FLVCR1: variants seen among roughly 807,000 people sequenced by gnomAD.
The protein encoded by FLVCR1 is choline/ethanolamine transporter FLVCR1.
A neutral mutation model predicts 53.6 loss-of-function variants in FLVCR1; 34 were observed. The ratio of observed to expected loss-of-function variants is 0.63; its 90% confidence interval spans 0.48 to 0.84. The LOEUF is 0.84. Among genes scored for constraint, FLVCR1 ranks in the 40% least tolerant of loss-of-function variants. The pLI, the probability that FLVCR1 is intolerant of heterozygous loss-of-function variation, is 0.00. For missense variants in FLVCR1, 677 were observed against 696.7 expected, an observed-to-expected ratio of 0.97 and a Z score of 0.32; for synonymous variants, 300 against 286.3, an observed-to-expected ratio of 1.05 and a Z score of -0.48.
intron 4 of FLVCR1, 23 bp from the exon 5 acceptor site, chr1:212,885,270 C>T (rs1434310404): frequency 1.3e-6 from 2 of 1,548,058 alleles, no homozygotes; most frequent in East Asian, 2.2e-5. Context: ...ATTTGATCAA[C>T]TTCTTACGCA....
chr1:212,865,965 T>TTGGCA (rs1664405784), intron 2 of FLVCR1, among the ~76,000 whole-genome samples: 1 of 39,172 alleles, frequency 2.6e-5, no homozygotes, highest in Non-Finnish European at 7.0e-5. Flanking sequence ...GGCATTTGGC[T>TTGGCA]AATTTTTGGG....
At chr1:212,877,707 G>C (rs1402314363) in intron 3 of FLVCR1, among the ~76,000 whole-genome samples, 1 of 55,432 alleles carries the variant, frequency 1.8e-5, no homozygotes, top group Non-Finnish European at 4.8e-5. Context: ...TTTTTTTGCT[G>C]TGCAGAAGCT....
At chr1:212,883,230 CA>C in intron 3 of FLVCR1, 140 bp from the exon 4 acceptor site, 1 of 631,866 alleles carries the variant, frequency 1.6e-6, no homozygotes, top group South Asian at 1.9e-5. Flanking sequence ...TTTCCTTTAT[CA>C]ACTGTGTTAA....
intron 2 of FLVCR1, among the ~76,000 whole-genome samples, chr1:212,865,776 C>T (rs9787376): frequency 0.46 from 69,827 of 150,750 alleles, 17,317 homozygotes; most frequent in Non-Finnish European, 0.55. Context: ...GCCACCAGGC[C>T]CGGCCAGCAA....
chr1:212,864,872 A>G (rs1021302304), intron 2 of FLVCR1, among the ~76,000 whole-genome samples: 2 of 152,232 alleles, frequency 1.3e-5, no homozygotes, highest in Non-Finnish European at 2.9e-5. Flanking sequence ...CTGCCTTGGT[A>G]GATGAACTGC....
In FLVCR1 at chr1:212,859,025, G is replaced by A. The variant is rs1434919793; in HGVS notation, c.573G>A (p.Lys191=). The A allele has an allele frequency of 6.2e-7, 1 of 1,612,162 alleles. No homozygotes were observed. Among genetic ancestry groups the A allele is most frequent in the Non-Finnish European group, 8.5e-7 (1 of 1,178,626 alleles). Residue 191 remains lysine (K), a synonymous_variant, in exon 1 of 10, where the codon AAG becomes AAA. Transcript: ENST00000366971. ...SGLNCLGAWI[K]CGSVQQHLFW... ...TCAACTGCCTGGGTGCCTGGATCAA[G>A]TGCGGCAGTGTGCAGCAGCATCTCT...
At position 212,859,041 on chromosome 1, in the gene FLVCR1, C is replaced by T. The variant is rs751566382; in HGVS notation, c.589C>T (p.Gln197Ter). The change falls in exon 1 of 10, where the codon CAG (glutamine) becomes TAG (stop). Residue 197 changes from glutamine to a stop codon, truncating the protein, a stop_gained. Transcript: ENST00000366971. LOFTEE classifies it high-confidence loss of function. Reference protein sequence around the residue: ...GAWIKCGSVQQHLFWVTMLGQ... With the variant: ...GAWIKCGSVQ ...CTGGATCAAGTGCGGCAGTGTGCAG[C>T]AGCATCTCTTCTGGGTCACCATGTT... 6.2e-7 allele frequency: 1 copy of T among 1,612,590 alleles called. No homozygotes were observed. Among genetic ancestry groups the T allele is most frequent in the African/African-American group, 1.3e-5 (1 of 75,014 alleles).
At chr1:212,870,415 G>A (rs891682113) in intron 2 of FLVCR1, among the ~76,000 whole-genome samples, 38 of 152,204 alleles carry the variant, frequency 2.5e-4, no homozygotes, top group African/African-American at 7.9e-4. Flanking sequence ...CTCCCTGGCT[G>A]GTTTTCAAAA....
At position 212,885,566 on chromosome 1, in the gene FLVCR1, TTTG is replaced by T; in HGVS notation, c.1196+171_1196+173del. 6 of 469,016 alleles carry T rather than the reference TTTG, an allele frequency of 1.3e-5. No individual in the cohort carries two copies. The South Asian group carries it at 1.4e-4, about 11-fold the overall frequency. 29.1% of individuals were successfully genotyped at this position (469,016 alleles called of 1,614,324 possible). A position where few individuals can be genotyped will look rare whatever the true frequency, so the allele number is the denominator to read the frequency against. ...CAAGTGTTTCTTTTTTTTTTTTTTT[TTTG>T]AGACGGAGTCTCGTTCTGTCGCCCA... On this transcript the variant is annotated intron_variant, in intron 5 of 9. Transcript: ENST00000366971.
intron 8 of FLVCR1, among the ~76,000 whole-genome samples, chr1:212,889,990 C>CATG (rs1665150733): frequency 6.6e-6 from 1 of 152,108 alleles, no homozygotes; most frequent in Non-Finnish European, 1.5e-5. Flanking sequence ...ACGTGCCTAA[C>CATG]ATGTGTTACT....
At position 212,858,803 on chromosome 1, in the gene FLVCR1, C is replaced by G; in HGVS notation, c.351C>G (p.Tyr117Ter). The stretch of plus-strand genomic sequence containing the variant: ...TGGTGCTCCTGATCTTCAGCCTGTA[C>G]TCGCTGGTCAACGCCTTTCAGTGGA... ...RFVVLLIFSLYSLVNAFQWIQ... is the reference protein window; with the variant it reads ...RFVVLLIFSL Residue 117 changes from tyrosine to a stop codon, truncating the protein, a stop_gained, in exon 1 of 10, where the codon TAC (tyrosine) becomes TAG (stop). Coordinates refer to ENST00000366971, the MANE Select transcript of FLVCR1 (RefSeq NM_014053.4). LOFTEE classifies it high-confidence loss of function. The G allele has an allele frequency of 1.2e-6, 2 of 1,614,226 alleles. No homozygotes were observed. The highest frequency in any genetic ancestry group is 1.7e-6 in the Non-Finnish European group (2 of 1,180,036).
At chr1:212,865,569 A>G (rs1038676162) in intron 2 of FLVCR1, among the ~76,000 whole-genome samples, 20 of 137,904 alleles carry the variant, frequency 1.5e-4, no homozygotes, top group Admixed American at 3.2e-4. Context: ...TGAAACCTCT[A>G]CCTCCCAAGT....
intron 8 of FLVCR1, among the ~76,000 whole-genome samples, chr1:212,893,056 CT>C (rs147082806): frequency 6.6e-5 from 8 of 121,424 alleles, no homozygotes; most frequent in African/African-American, 2.7e-4. Flanking sequence ...AGGGTTGCTT[CT>C]TTTTTTTTGG....
At chr1:212,893,306 C>A (rs1031816679) in intron 8 of FLVCR1, among the ~76,000 whole-genome samples, 1 of 152,082 alleles carries the variant, frequency 6.6e-6, no homozygotes, top group South Asian at 2.1e-4. Context: ...CTGCCTGCCT[C>A]GGCCTCCCAA....
At chr1:212,893,065 T>TTTTTTG (rs376805847) in intron 8 of FLVCR1, among the ~76,000 whole-genome samples, 2 of 142,308 alleles carry the variant, frequency 1.4e-5, no homozygotes, top group African/African-American at 5.2e-5. Flanking sequence ...TCTTTTTTTT[T>TTTTTTG]GGGGGGGGGT....
chr1:212,898,636 TTGTC>T lies in FLVCR1; in HGVS notation c.*3350_*3353del, dbSNP rs1161101023. On this transcript the variant is annotated 3_prime_UTR_variant, in exon 10 of 10. Transcript: ENST00000366971. The stretch of plus-strand genomic sequence containing the variant: ...AATTTTTCTGTATTTTGAGTGAAAG[TTGTC>T]TGTAATATGTCAAGCAAGAATGTTA... 2.6e-5 allele frequency: 4 copies of T among 152,184 alleles called. No individual in the cohort carries two copies. Among genetic ancestry groups the T allele is most frequent in the African/African-American group, 9.7e-5 (4 of 41,444 alleles). 9.4% of individuals were successfully genotyped at this position (152,184 alleles called of 1,614,324 possible).
At chr1:212,872,176 G>A (rs946194700) in intron 2 of FLVCR1, among the ~76,000 whole-genome samples, 3 of 151,724 alleles carry the variant, frequency 2.0e-5, no homozygotes, top group Non-Finnish European at 2.9e-5. Flanking sequence ...GTGCAATGGC[G>A]CAGTCACAGC....
In FLVCR1 at chr1:212,863,726, T is replaced by G; in HGVS notation, c.740T>G (p.Leu247Arg). ...TTAACAGGACTATGTGTTTTTCAGC[T>G]TGGAACTGCAGTTGGCTTTTTGCTA... Reference protein sequence around the residue: ...ACATAVLGNQLGTAVGFLLPP... With the variant: ...ACATAVLGNQRGTAVGFLLPP... The change falls in exon 2 of 10, where the codon CTT becomes CGT. Residue 247 changes from leucine (L) to arginine (R), a missense_variant and splice_region_variant. Physicochemically the swap from Leu to Arg is moderately radical, Grantham distance 102 (BLOSUM62 -2). Transcript: ENST00000366971. The G allele has an allele frequency of 6.2e-7, 1 of 1,614,104 alleles. No individual in the cohort carries two copies. Among genetic ancestry groups the G allele is most frequent in the African/African-American group, 1.3e-5 (1 of 75,066 alleles).
chr1:212,866,054 G>A (rs1273835374), intron 2 of FLVCR1, among the ~76,000 whole-genome samples: 4 of 142,878 alleles, frequency 2.8e-5, no homozygotes, highest in Non-Finnish European at 6.1e-5. Context: ...GCGCAATTTC[G>A]ACTCACTGCA....
Sources: gnomAD v4.1 joint callset for allele counts (sites outside exome capture counted in the v4.1 genomes callset) on GRCh38, gnomAD v4.1.1 for gene constraint, MANE v1.5 for transcripts, NCBI Gene and HGNC (gene_info 2026-07-23, HGNC 2026-07-21) for gene names.